The following CSMD1 variants were observed in gnomAD, a reference collection of about 807,000 sequenced individuals.
CSMD1 encodes CUB and sushi domain-containing protein 1.
Under a neutral mutation model 417.5 loss-of-function variants are expected in CSMD1, and 213 were observed. That is an observed-to-expected ratio of 0.51 (90% CI 0.46 to 0.57). The LOEUF (loss-of-function observed/expected upper bound fraction) is 0.57. Ranked by LOEUF, CSMD1 falls within the 20% of genes least tolerant of loss-of-function variation. The probability of loss-of-function intolerance (pLI) is 0.00; values close to 1 mark genes in which losing one functional copy is unlikely to be tolerated. For synonymous variants in CSMD1, 2,862 were observed against 1,736.8 expected (o/e 1.65, Z -16.11); for missense variants, 6,923 against 4,529.7 (o/e 1.53, Z -15.17).
At chr8:3,925,458 C>T (rs1204973625) in intron 5 of CSMD1, among the ~76,000 whole-genome samples, 3 of 152,072 alleles carry the variant, frequency 2.0e-5, no homozygotes, top group Admixed American at 2.0e-4. Flanking sequence ...AAATACAGTT[C>T]AAAAGATAAC....
chr8:4,252,266 T>C (rs1356392890), intron 3 of CSMD1, among the ~76,000 whole-genome samples: 1 of 152,210 alleles, frequency 6.6e-6, no homozygotes, highest in Non-Finnish European at 1.5e-5. Context: ...CTTCTGCCCA[T>C]CTTTCCTGTG....
chr8:3,545,845 C>T (rs1249183851), intron 10 of CSMD1, among the ~76,000 whole-genome samples: 1 of 152,114 alleles, frequency 6.6e-6, no homozygotes, highest in African/African-American at 2.4e-5. Context: ...AGTCTATTGG[C>T]CACAAAAAGC....
intron 3 of CSMD1, among the ~76,000 whole-genome samples, chr8:4,097,675 C>T (rs575827615): frequency 1.3e-5 from 2 of 152,160 alleles, no homozygotes; most frequent in South Asian, 2.1e-4. Flanking sequence ...TTGTTTAAGA[C>T]AGTGAATTTT....
At chr8:3,249,938 C>G (rs532095950) in intron 26 of CSMD1, among the ~76,000 whole-genome samples, 1 of 152,118 alleles carries the variant, frequency 6.6e-6, no homozygotes, top group Non-Finnish European at 1.5e-5. Flanking sequence ...ATGTCAAGGA[C>G]AAAATTATTA....
chr8:4,767,747 T>C (rs940976635), intron 1 of CSMD1, among the ~76,000 whole-genome samples: 4 of 152,170 alleles, frequency 2.6e-5, no homozygotes, highest in African/African-American at 9.7e-5. Context: ...TGATTTTGCA[T>C]TTATTTATCC....
chr8:4,037,359 C>A (rs1279279892), intron 3 of CSMD1, among the ~76,000 whole-genome samples: 1 of 152,180 alleles, frequency 6.6e-6, no homozygotes, highest in Non-Finnish European at 1.5e-5. Context: ...TGAGCACTTG[C>A]TGTAACAGCA....
chr8:3,659,402 G>C (rs890050864), intron 7 of CSMD1, among the ~76,000 whole-genome samples: 22 of 152,124 alleles, frequency 1.4e-4, no homozygotes, highest in African/African-American at 5.1e-4. Flanking sequence ...ACAGGTAACG[G>C]GTCTCAGTGT....
At chr8:3,876,240 G>A (rs758813153) in intron 5 of CSMD1, among the ~76,000 whole-genome samples, 14 of 152,278 alleles carry the variant, frequency 9.2e-5, no homozygotes, top group South Asian at 2.1e-4. Flanking sequence ...TAAGCCAGAC[G>A]TTTAAAATCA....
intron 2 of CSMD1, among the ~76,000 whole-genome samples, chr8:4,505,173 G>A (rs1046982901): frequency 2.6e-5 from 4 of 152,300 alleles, no homozygotes; most frequent in African/African-American, 4.8e-5. Flanking sequence ...GGTGGCTTTA[G>A]CTTGCATTGT....
intron 1 of CSMD1, among the ~76,000 whole-genome samples, chr8:4,704,364 T>C (rs1235114700): frequency 6.6e-6 from 1 of 152,260 alleles, no homozygotes; most frequent in African/African-American, 2.4e-5. Flanking sequence ...TTACAGTACT[T>C]ATTGCAATCA....
intron 10 of CSMD1, among the ~76,000 whole-genome samples, chr8:3,531,761 C>T (rs1797990048): frequency 6.6e-6 from 1 of 152,182 alleles, no homozygotes; most frequent in Non-Finnish European, 1.5e-5. Flanking sequence ...AAAGAGCAGC[C>T]TGGAAGATCG....
intron 1 of CSMD1, among the ~76,000 whole-genome samples, chr8:4,869,546 C>A (rs1055619046): frequency 6.6e-6 from 1 of 151,964 alleles, no homozygotes; most frequent in African/African-American, 2.4e-5. Context: ...TATTTTTTTA[C>A]TGCATGGCTG....
At chr8:4,168,146 TACACACACAC>T (rs34184056) in intron 3 of CSMD1, among the ~76,000 whole-genome samples, 56 of 149,506 alleles carry the variant, frequency 3.7e-4, no homozygotes, top group Non-Finnish European at 6.1e-4. Flanking sequence ...AAAAAAAATA[TACACACACAC>T]ACACACACAC....
intron 23 of CSMD1, among the ~76,000 whole-genome samples, chr8:3,314,229 C>A (rs1228007129): frequency 6.6e-6 from 1 of 151,774 alleles, no homozygotes; most frequent in Non-Finnish European, 1.5e-5. Flanking sequence ...ATGTAACAAA[C>A]CCTAAAACTT....
At chr8:4,057,608 C>G (rs1224905860) in intron 3 of CSMD1, among the ~76,000 whole-genome samples, 5 of 151,434 alleles carry the variant, frequency 3.3e-5, no homozygotes, top group Non-Finnish European at 1.5e-5. Context: ...AGTCCTTGCC[C>G]ATGCCTATGT....
intron 2 of CSMD1, among the ~76,000 whole-genome samples, chr8:4,579,472 C>T (rs1799311133): frequency 6.6e-6 from 1 of 151,950 alleles, no homozygotes; most frequent in Non-Finnish European, 1.5e-5. Context: ...AATTCTCCTG[C>T]CTCCCTTAGC....
Position 3,286,567 on chromosome 8 carries a change from C to G in CSMD1, c.3951-2221G>C, listed in dbSNP as rs1204966207. On this transcript the variant is annotated intron_variant, in intron 25 of 69. Transcript: ENST00000635120. ...CATTGTGGTTTTGATTTGCATTTCTCTGATGGCCGGTGATAATGAGCATTT... is the reference window on the plus strand; with the variant it reads ...CATTGTGGTTTTGATTTGCATTTCTGTGATGGCCGGTGATAATGAGCATTT... Among the ~76,000 whole-genome samples the G allele has an allele frequency of 2.0e-5, 3 of 152,248 alleles. 1 individual carries two copies. Among genetic ancestry groups the G allele is most frequent in the Middle Eastern group, 6.8e-3 (2 of 294 alleles).
chr8:4,858,018 A>C (rs993157142), intron 1 of CSMD1, among the ~76,000 whole-genome samples: 1 of 152,194 alleles, frequency 6.6e-6, no homozygotes, highest in East Asian at 1.9e-4. Flanking sequence ...ATCCTCAGTA[A>C]CATACTGGCA....
rs530444231 is a variant in CSMD1 at position 4,435,213 on chromosome 8, C to A, written c.303-15148G>T. Among the ~76,000 whole-genome samples, 3 of 152,188 alleles carry A rather than the reference C, an allele frequency of 2.0e-5. No individual in the cohort carries two copies. The South Asian group carries it at 6.2e-4, about 32-fold the overall frequency. ...TTGATACACAAGTACATCAGCCAAT[C>A]TGATCTTTGGAAAATTAAACCTTGA... On this transcript the variant is annotated intron_variant, in intron 2 of 69. Coordinates refer to ENST00000635120, the MANE Select transcript of CSMD1 (RefSeq NM_033225.6).
Sources: gnomAD v4.1 joint callset for allele counts (sites outside exome capture counted in the v4.1 genomes callset) on GRCh38, gnomAD v4.1.1 for gene constraint, MANE v1.5 for transcripts, NCBI Gene and HGNC (gene_info 2026-07-23, HGNC 2026-07-21) for gene names.